MAML3: variants seen among roughly 807,000 people sequenced by gnomAD.
MAML3 encodes the protein mastermind like transcriptional coactivator 3.
MAML3 carries 27 observed loss-of-function variants against 101.9 expected under a neutral mutation model. That is an observed-to-expected ratio of 0.27 (90% CI 0.20 to 0.37). MAML3 has a LOEUF of 0.37. MAML3 is among the 10% of genes least tolerant of loss of function. MAML3 has a pLI of 1.00. For missense variants in MAML3, 1,316 were observed against 1,444.9 expected (o/e 0.91, Z 1.45); for synonymous variants, 501 against 555.9 (o/e 0.90, Z 1.39).
chr4:139,887,392 G>A (rs1301456745), intron 2 of MAML3, among the ~76,000 whole-genome samples: 1 of 152,210 alleles, frequency 6.6e-6, no homozygotes, highest in African/African-American at 2.4e-5. Flanking sequence ...AAAATACTTC[G>A]TGAGACGAGA....
At chr4:140,003,105 A>G (rs1237222251) in intron 1 of MAML3, among the ~76,000 whole-genome samples, 2 of 152,230 alleles carry the variant, frequency 1.3e-5, no homozygotes, top group African/African-American at 4.8e-5. Context: ...GCAAATTTCT[A>G]TGAAGATTTA....
intron 1 of MAML3, among the ~76,000 whole-genome samples, chr4:139,998,853 C>T: frequency 6.6e-6 from 1 of 152,078 alleles, no homozygotes; most frequent in East Asian, 1.9e-4. Context: ...CTCTTCTTTT[C>T]ATTTTTAATC....
intron 2 of MAML3, among the ~76,000 whole-genome samples, chr4:139,859,227 ATTTT>A (rs61061197): frequency 7.4e-6 from 1 of 135,492 alleles, no homozygotes; most frequent in African/African-American, 3.0e-5. Flanking sequence ...GTTCTACTAC[ATTTT>A]TTTTTTTTTT....
rs952674794 is a variant in MAML3 at position 140,137,224 on chromosome 4, G to A, written c.468+15636C>T. The stretch of plus-strand genomic sequence containing the variant: ...AAGATGGTCTCGATCTCCTGACCTC[G>A]TGATCCGCCCACCTCGGCCTCCCAA... On this transcript the variant is annotated intron_variant, in intron 1 of 4. Coordinates refer to ENST00000509479, the MANE Select transcript of MAML3 (RefSeq NM_018717.5). 3.3e-5 allele frequency among the ~76,000 whole-genome samples: 5 copies of A among 152,228 alleles called. No homozygotes were observed. In the East Asian group the frequency reaches 7.7e-4, roughly 24 times the overall value.
chr4:139,892,130 G>A (rs1400428469), intron 1 of MAML3, among the ~76,000 whole-genome samples: 1 of 152,182 alleles, frequency 6.6e-6, no homozygotes, highest in African/African-American at 2.4e-5. Flanking sequence ...ATTGTTTTGG[G>A]GTCGTCAGCC....
chr4:140,148,104 T>TCAGTA (rs1729096113), intron 1 of MAML3, among the ~76,000 whole-genome samples: 1 of 152,216 alleles, frequency 6.6e-6, no homozygotes, highest in Admixed American at 6.5e-5. Flanking sequence ...TCCAGAGATG[T>TCAGTA]CAGTAAACTA....
intron 1 of MAML3, among the ~76,000 whole-genome samples, chr4:140,062,325 C>T (rs1727460460): frequency 6.6e-6 from 1 of 152,146 alleles, no homozygotes. Flanking sequence ...GTCTCCCACA[C>T]CATCATGGTT....
chr4:140,029,957 G>T (rs1044560260), intron 1 of MAML3, among the ~76,000 whole-genome samples: 1 of 152,080 alleles, frequency 6.6e-6, no homozygotes, highest in Non-Finnish European at 1.5e-5. Flanking sequence ...TCCCTCCTCT[G>T]TCTGAGTGAC....
intron 2 of MAML3, chr4:139,889,057 C>A (rs1239790102): frequency 1.4e-5 from 7 of 495,976 alleles, no homozygotes; most frequent in Non-Finnish European, 2.7e-5. Flanking sequence ...GTGGAGTGAC[C>A]TCTGCAGCCT....
chr4:139,877,246 C>T (rs1161340419), intron 2 of MAML3, among the ~76,000 whole-genome samples: 1 of 152,044 alleles, frequency 6.6e-6, no homozygotes, highest in Non-Finnish European at 1.5e-5. Flanking sequence ...CCGCTGCAAA[C>T]CATTTGTTGT....
At chr4:140,005,859 G>A (rs2874368) in intron 1 of MAML3, among the ~76,000 whole-genome samples, 77,415 of 152,136 alleles carry the variant, frequency 0.51, 20,217 homozygotes, top group East Asian at 0.66. Flanking sequence ...AAGAGGGAGT[G>A]AAGCCTTGTC....
intron 1 of MAML3, among the ~76,000 whole-genome samples, chr4:140,000,018 T>C (rs1339989858): frequency 2.0e-5 from 3 of 152,232 alleles, no homozygotes; most frequent in Admixed American, 6.5e-5. Flanking sequence ...ATATGATTAA[T>C]GACCGTTTTT....
At chr4:140,087,917 G>A (rs531206768) in intron 1 of MAML3, among the ~76,000 whole-genome samples, 2 of 152,130 alleles carry the variant, frequency 1.3e-5, no homozygotes, top group Non-Finnish European at 2.9e-5. Flanking sequence ...TTAGCCTTCT[G>A]AAAATGAGTA....
At position 140,048,336 on chromosome 4, in the gene MAML3, C is replaced by T. The variant is rs145026770; in HGVS notation, c.468+104524G>A. On this transcript the variant is annotated intron_variant, in intron 1 of 4. Transcript: ENST00000509479. ...TGATTCAGAAATAAACACAGGTTATCTTTTCAAAAGGCATACAAGTGACCA... is the reference window on the plus strand; with the variant it reads ...TGATTCAGAAATAAACACAGGTTATTTTTTCAAAAGGCATACAAGTGACCA... Among the ~76,000 whole-genome samples the T allele has an allele frequency of 1.2e-3, 185 of 152,284 alleles. 1 individual carries two copies. The highest frequency in any genetic ancestry group is 4.3e-3 in the African/African-American group (178 of 41,568).
At chr4:139,754,890 C>T (rs1404050871) in intron 2 of MAML3, among the ~76,000 whole-genome samples, 2 of 152,154 alleles carry the variant, frequency 1.3e-5, no homozygotes, top group Admixed American at 1.3e-4. Context: ...TAAGCTTTCC[C>T]CTCAGTTTCT....
At chr4:139,940,642 G>A (rs557020993) in intron 1 of MAML3, among the ~76,000 whole-genome samples, 1 of 152,322 alleles carries the variant, frequency 6.6e-6, no homozygotes, top group Admixed American at 6.5e-5. Flanking sequence ...CTTCACGAAT[G>A]AGCCCCGATA....
At chr4:139,956,492 C>T (rs1221565727) in intron 1 of MAML3, among the ~76,000 whole-genome samples, 7 of 152,172 alleles carry the variant, frequency 4.6e-5, no homozygotes. Context: ...TTTCAGAAGC[C>T]TCACTTCCAA....
chr4:140,153,473 C>T lies in MAML3; in HGVS notation c.-146G>A, dbSNP rs1352220293. The T allele has an allele frequency of 3.8e-6, 3 of 780,600 alleles. No homozygotes were observed. Among genetic ancestry groups the T allele is most frequent in the East Asian group, 7.8e-5 (2 of 25,660 alleles). 48.4% of individuals were successfully genotyped at this position (780,600 alleles called of 1,614,324 possible). Reference sequence around the variant, plus strand: ...GATGGAAACGGCGATCCCGACGGGGCGAAAAAAACGGGGGGGGAGATTTTG... The same window carrying T: ...GATGGAAACGGCGATCCCGACGGGGTGAAAAAAACGGGGGGGGAGATTTTG... On this transcript the variant is annotated 5_prime_UTR_variant, in exon 1 of 5. Transcript: ENST00000509479.
intron 2 of MAML3, among the ~76,000 whole-genome samples, chr4:139,838,404 A>G (rs1731299288): frequency 6.6e-6 from 1 of 152,096 alleles, no homozygotes; most frequent in Admixed American, 6.5e-5. Context: ...TCTGTCTCAT[A>G]TCATTTGGAG....
Sources: gnomAD v4.1 joint callset for allele counts (sites outside exome capture counted in the v4.1 genomes callset) on GRCh38, gnomAD v4.1.1 for gene constraint, MANE v1.5 for transcripts, NCBI Gene and HGNC (gene_info 2026-07-23, HGNC 2026-07-21) for gene names.